The following GARS1 variants were observed in gnomAD, a reference collection of about 807,000 sequenced individuals.
GARS1 encodes the protein glycine--tRNA ligase.
Under a neutral mutation model 86.4 loss-of-function variants are expected in GARS1, and 46 were observed. That is an observed-to-expected ratio of 0.53 (90% confidence interval 0.42 to 0.68). The LOEUF (loss-of-function observed/expected upper bound fraction) is 0.68, where lower values mean the gene tolerates loss of function less well. Among genes scored for constraint, GARS1 ranks in the 30% least tolerant of loss-of-function variants. The probability of loss-of-function intolerance (pLI) is 0.00; values close to 1 mark genes in which losing one functional copy is unlikely to be tolerated. For synonymous variants in GARS1, 342 were observed against 329.8 expected (o/e 1.04, Z -0.40); for missense variants, 797 against 915.6 (o/e 0.87, Z 1.67).
chr7:30,629,864 T>A (rs1051448850), intron 14 of GARS1, among the ~76,000 whole-genome samples: 2 of 152,242 alleles, frequency 1.3e-5, no homozygotes, highest in Non-Finnish European at 2.9e-5. Context: ...TTTTTAGATG[T>A]CAAGTCTGCT....
At chr7:30,613,062 C>T (rs1282932264) in intron 8 of GARS1, among the ~76,000 whole-genome samples, 2 of 152,194 alleles carry the variant, frequency 1.3e-5, no homozygotes, top group African/African-American at 2.4e-5. Context: ...CCTGTCTTCT[C>T]TTCTTACTCA....
intron 16 of GARS1, among the ~76,000 whole-genome samples, chr7:30,633,205 A>T (rs988974348): frequency 2.6e-5 from 4 of 152,238 alleles, no homozygotes; most frequent in African/African-American, 9.6e-5. Context: ...GACCAGCAGC[A>T]TCAGTATCCC....
intron 14 of GARS1, among the ~76,000 whole-genome samples, chr7:30,630,585 A>T (rs1387411605): frequency 7.0e-6 from 1 of 142,632 alleles, no homozygotes; most frequent in Non-Finnish European, 1.5e-5. Context: ...ATCTCAGCTG[A>T]CTACAGCCTC....
Position 30,632,976 on chromosome 7 carries a change from A to G in GARS1, c.2094+539A>G, listed in dbSNP as rs1428329057. 6.6e-6 allele frequency among the ~76,000 whole-genome samples: 1 copy of G among 152,228 alleles called. No homozygotes were observed. Among genetic ancestry groups the G allele is most frequent in the Non-Finnish European group, 1.5e-5 (1 of 68,038 alleles). On this transcript the variant is annotated intron_variant, in intron 16 of 16. Coordinates refer to ENST00000389266, the MANE Select transcript of GARS1 (RefSeq NM_002047.4). The surrounding 1 kb of genome is among the most constrained non-coding windows in gnomAD (Gnocchi z 4.1). ...TGCTTTAATTGACATCTGCCTGCCT[A>G]ATTTATCACCTTTGAGCACATACAT...
intron 9 of GARS1, among the ~76,000 whole-genome samples, 191 bp downstream of exon 9, chr7:30,616,249 A>G (rs1782887610): frequency 6.6e-6 from 1 of 152,192 alleles, no homozygotes; most frequent in Admixed American, 6.5e-5. Context: ...GAACATCTCA[A>G]TTTGTGGGCC....
chr7:30,620,348 G>A lies in GARS1; in HGVS notation c.1360-1045G>A, dbSNP rs139218522. On this transcript the variant is annotated intron_variant, in intron 10 of 16. Transcript: ENST00000389266. ...ATTGAGAGATCAGGGTGCCAGCATCGTCTGATCCTTGTGAGGGCCCCATTC... is the reference window on the plus strand; with the variant it reads ...ATTGAGAGATCAGGGTGCCAGCATCATCTGATCCTTGTGAGGGCCCCATTC... 1.6e-4 allele frequency among the ~76,000 whole-genome samples: 25 copies of A among 152,226 alleles called. No homozygotes were observed. The East Asian group carries it at 4.1e-3, about 25-fold the overall frequency.
intron 11 of GARS1, 71 bp from the exon 12 acceptor site, chr7:30,622,246 A>C (rs560561110): frequency 6.2e-4 from 983 of 1,577,576 alleles, no homozygotes; most frequent in Non-Finnish European, 8.3e-4. Flanking sequence ...TTGATGATTG[A>C]TTGTTCTCAG....
intron 3 of GARS1, 152 bp downstream of exon 3, chr7:30,600,201 T>C: frequency 1.5e-6 from 1 of 667,018 alleles, no homozygotes; most frequent in Non-Finnish European, 2.7e-6. Flanking sequence ...GGAGTCACCA[T>C]TTGGTGTGAT....
rs539085538 is a variant in GARS1, at chr7:30,607,357, C to G, written c.736-2228C>G. Among the ~76,000 whole-genome samples, 7 of 152,284 alleles carry G rather than the reference C, an allele frequency of 4.6e-5. No individual in the cohort carries two copies. In the South Asian group the frequency reaches 1.5e-3, roughly 32 times the overall value. On this transcript the variant is annotated intron_variant, in intron 6 of 16. Coordinates refer to ENST00000389266, the MANE Select transcript of GARS1 (RefSeq NM_002047.4). ...TGTGGCACATATATACCATGGAATACTATGCATTCATAAAAAAGGATGAGT... is the reference window on the plus strand; with the variant it reads ...TGTGGCACATATATACCATGGAATAGTATGCATTCATAAAAAAGGATGAGT...
At chr7:30,611,425 T>C (rs1240587405) in intron 7 of GARS1, among the ~76,000 whole-genome samples, 4 of 152,206 alleles carry the variant, frequency 2.6e-5, no homozygotes, top group South Asian at 2.1e-4. Context: ...TCTGCCTCCA[T>C]GTACATGATG....
At chr7:30,602,716 A>G (rs76621232) in intron 4 of GARS1, among the ~76,000 whole-genome samples, 2,364 of 152,354 alleles carry the variant, frequency 0.016, 61 homozygotes, top group African/African-American at 0.054. Flanking sequence ...CACTAATAAT[A>G]ATGGCATAGG....
At chr7:30,606,302 A>ATTTTTTT (rs1321853163) in intron 6 of GARS1, among the ~76,000 whole-genome samples, 1 of 83,984 alleles carries the variant, frequency 1.2e-5, no homozygotes, top group Non-Finnish European at 2.8e-5. Flanking sequence ...TGTCATTGTT[A>ATTTTTTT]TTCTTTTTTT....
intron 3 of GARS1, among the ~76,000 whole-genome samples, chr7:30,600,568 G>A (rs944481531): frequency 5.3e-5 from 8 of 152,152 alleles, no homozygotes; most frequent in Admixed American, 1.3e-4. Flanking sequence ...CATAGTCAAC[G>A]GATTATTACA....
In GARS1 at chr7:30,632,030, C is replaced by T; in HGVS notation, c.1904-217C>T. ...TGGCTCTTGGTCCCATATTTGTTCC[C>T]CCTATAGCTGTATCAGATGGAGGTA... is the stretch of plus-strand genomic sequence containing the variant. On this transcript the variant is annotated intron_variant, in intron 15 of 16. Coordinates refer to ENST00000389266, the MANE Select transcript of GARS1 (RefSeq NM_002047.4). This position sits in a 1 kb window ranked among gnomAD's most constrained non-coding sequence, Gnocchi z 4.1. The T allele has an allele frequency of 1.8e-6, 1 of 567,430 alleles. No individual in the cohort carries two copies. Among genetic ancestry groups the T allele is most frequent in the East Asian group, 3.2e-5 (1 of 30,924 alleles). The allele number at this position is 567,430 out of a possible 1,614,324, so 35.1% of individuals were successfully genotyped here.
In GARS1 at chr7:30,633,822, G is replaced by A. The variant is rs1422434626; in HGVS notation, c.2182G>A (p.Gly728Arg). ...DVEARYPLFE[G>R]QETGKKETIE... ...GGAGGCCAGGTATCCTCTGTTTGAA[G>A]GGCAAGAGACTGGTAAAAAAGAGAC... Residue 728 changes from glycine to arginine, a missense_variant, in exon 17 of 17, where the codon GGG (glycine) becomes AGG (arginine). Gly to Arg is a moderately radical substitution (Grantham distance 125). Transcript: ENST00000389266. 1.9e-6 allele frequency: 3 copies of A among 1,613,000 alleles called. No individual in the cohort carries two copies. Among genetic ancestry groups the A allele is most frequent in the Non-Finnish European group, 2.5e-6 (3 of 1,179,568 alleles).
chr7:30,622,224 C>T (rs1783026791), intron 11 of GARS1, 93 bp from the exon 12 acceptor site: 1 of 1,461,486 alleles, frequency 6.8e-7, no homozygotes, highest in Non-Finnish European at 9.5e-7. Context: ...AGAGAGCTGG[C>T]ATGGTTTTAA....
chr7:30,601,294 A>G, intron 4 of GARS1, 94 bp downstream of exon 4: 1 of 1,116,238 alleles, frequency 9.0e-7, no homozygotes, highest in Non-Finnish European at 1.3e-6. Context: ...TCCTGATTAT[A>G]AAGAACTACT....
rs1782932730 is a variant in GARS1 at position 30,618,478 on chromosome 7, A to G, written c.1359+1200A>G. ...GCAAGACCCTGTCTCTACAAAAAAT[A>G]CAAAAATTAGCCAGGTGTGATAGCA... On this transcript the variant is annotated intron_variant, in intron 10 of 16. Transcript: ENST00000389266. Among the ~76,000 whole-genome samples the G allele has an allele frequency of 2.0e-5, 3 of 152,288 alleles. No individual in the cohort carries two copies. In the South Asian group the frequency reaches 6.2e-4, roughly 32 times the overall value.
Position 30,631,461 on chromosome 7 carries a change from C to T in GARS1, c.1823C>T (p.Pro608Leu). The change falls in exon 15 of 17, where the codon CCT becomes CTT. Residue 608 changes from proline to leucine, a missense_variant. Coordinates refer to ENST00000389266, the MANE Select transcript of GARS1 (RefSeq NM_002047.4). ...GDEQRTFFSF[P>L]AVVAPFKCSV... ...TAAATCATCCAGTTCTTCAGTTTCC[C>T]TGCTGTAGTTGCTCCATTCAAATGT... 1 of 1,612,940 alleles carries T rather than the reference C, an allele frequency of 6.2e-7. No homozygotes were observed. Among genetic ancestry groups the T allele is most frequent in the Non-Finnish European group, 8.5e-7 (1 of 1,179,144 alleles).
Sources: allele counts gnomAD v4.1 joint callset (sites outside exome capture counted in the v4.1 genomes callset), GRCh38; gene constraint gnomAD v4.1.1; non-coding constraint Gnocchi (gnomAD v3.1); transcripts MANE v1.5; gene names NCBI Gene and HGNC (gene_info 2026-07-23, HGNC 2026-07-21).